The following PHRF1 variants were observed in gnomAD, a reference collection of about 807,000 sequenced individuals.
PHRF1 encodes the protein PHD and ring finger domains 1.
In PHRF1, 53 loss-of-function variants were observed where a neutral mutation model predicts 128.9. The observed-to-expected ratio is 0.41, with a 90% CI of 0.33 to 0.52. PHRF1 has a LOEUF of 0.52. Among genes scored for constraint, PHRF1 ranks in the 20% least tolerant of loss-of-function variants. The pLI is 0.21. For synonymous variants in PHRF1, 1,178 were observed against 980.6 expected (o/e 1.20, Z -3.76); for missense variants, 2,503 against 2,284.5 (o/e 1.10, Z -1.95).
At chr11:589,997 G>C (rs1854859930) in intron 4 of PHRF1, among the ~76,000 whole-genome samples, 1 of 151,348 alleles carries the variant, frequency 6.6e-6, no homozygotes, top group Non-Finnish European at 1.5e-5. Context: ...AGCGTGTGGG[G>C]CTCAGCCTCA....
rs1248139231 is a variant in PHRF1 at position 607,835 on chromosome 11, C to T, written c.2379C>T (p.Ser793=). The T allele has an allele frequency of 3.7e-6, 6 of 1,612,696 alleles. No individual in the cohort carries two copies. In the African/African-American group the frequency reaches 6.7e-5, roughly 18 times the overall value. Residue 793 remains serine, a synonymous_variant, in exon 14 of 18, where the codon AGC becomes AGT. Coordinates refer to ENST00000264555, the MANE Select transcript of PHRF1 (RefSeq NM_001286581.2). ...TGGCACATTCCAGCCAGCTCTCCAG[C>T]CCTGGCTTCTGTAACACGTTCCGGC... The part of the protein sequence containing the change: ...GNMAHSSQLS[S]PGFCNTFRPV...
intron 10 of PHRF1, among the ~76,000 whole-genome samples, chr11:604,335 G>A (rs1855819495): frequency 6.6e-6 from 1 of 152,240 alleles, no homozygotes; most frequent in African/African-American, 2.4e-5. Flanking sequence ...TTCACCCTTG[G>A]GAGGGGCGAC....
At chr11:601,474 G>A in intron 9 of PHRF1, 100 bp from the exon 10 acceptor site, 19 of 1,508,816 alleles carry the variant, frequency 1.3e-5, no homozygotes, top group Non-Finnish European at 1.6e-5. Context: ...TGGTCCCGCT[G>A]TACCGGCTCC....
Position 609,427 on chromosome 11 carries a change from C to T in PHRF1, c.3971C>T (p.Ser1324Leu), listed in dbSNP as rs1262835523. 1.9e-6 allele frequency: 3 copies of T among 1,608,798 alleles called. No individual in the cohort carries two copies. Among genetic ancestry groups the T allele is most frequent in the South Asian group, 1.1e-5 (1 of 91,070 alleles). Residue 1324 changes from serine (S) to leucine (L), a missense_variant, in exon 14 of 18, where the codon TCA (serine) becomes TTA (leucine). Coordinates refer to ENST00000264555, the MANE Select transcript of PHRF1 (RefSeq NM_001286581.2). ...GTGGCCGCCATCCAGAGGGAGGTGT[C>T]ATTGATGCACGATGAAGACCCTTCG... Reference protein sequence around the residue: ...LAVAAIQREVSLMHDEDPSQP... With the variant: ...LAVAAIQREVLLMHDEDPSQP...
intron 9 of PHRF1, 131 bp downstream of exon 9, chr11:598,633 A>G (rs1855445403): frequency 7.3e-7 from 1 of 1,376,326 alleles, no homozygotes; most frequent in Admixed American, 2.6e-5. Flanking sequence ...CTCTGCTGAA[A>G]ACACTACACA....
chr11:592,781 C>T (rs766736291), intron 6 of PHRF1, 107 bp downstream of exon 6: 147 of 1,259,808 alleles, frequency 1.2e-4, no homozygotes, highest in Admixed American at 5.3e-4. Flanking sequence ...GTCCCAGCAC[C>T]TGGAGCTGTG....
At chr11:599,053 G>A (rs549882340) in intron 9 of PHRF1, among the ~76,000 whole-genome samples, 2 of 152,272 alleles carry the variant, frequency 1.3e-5, no homozygotes, top group South Asian at 4.1e-4. Context: ...GGGGAGAGCC[G>A]TGGACTGCAC....
chr11:604,414 A>G (rs1413910222), intron 10 of PHRF1, among the ~76,000 whole-genome samples: 1 of 152,264 alleles, frequency 6.6e-6, no homozygotes, highest in Non-Finnish European at 1.5e-5. Context: ...CTAGAATCAG[A>G]AGGAAACAGC....
At chr11:586,372 A>G (rs1376480009) in intron 3 of PHRF1, among the ~76,000 whole-genome samples, 1 of 152,218 alleles carries the variant, frequency 6.6e-6, no homozygotes, top group African/African-American at 2.4e-5. Flanking sequence ...CACTTCTCCC[A>G]GCCTCTTTAA....
chr11:588,183 C>A (rs894425772), intron 4 of PHRF1, among the ~76,000 whole-genome samples: 14 of 152,090 alleles, frequency 9.2e-5, no homozygotes, highest in Admixed American at 8.5e-4. Flanking sequence ...TTCCTAGTGA[C>A]TGGGTCCTCC....
At position 607,597 on chromosome 11, in the gene PHRF1, T is replaced by C; in HGVS notation, c.2141T>C (p.Leu714Pro). 6.2e-7 allele frequency: 1 copy of C among 1,612,268 alleles called. No individual in the cohort carries two copies. Among genetic ancestry groups the C allele is most frequent in the Non-Finnish European group, 8.5e-7 (1 of 1,179,786 alleles). The change falls in exon 14 of 18, where the codon CTG becomes CCG. Residue 714 changes from leucine (L) to proline (P), a missense_variant. Leu to Pro is a moderately conservative substitution (Grantham distance 98). Transcript: ENST00000264555. Reference protein sequence around the residue: ...IEIPSACISRLTGREGTGQPG... With the variant: ...IEIPSACISRPTGREGTGQPG... ...ATCCCCAGTGCCTGCATCAGCCGAC[T>C]GACTGGCAGGGAGGGCACCGGGCAG...
rs952930367 is a variant in PHRF1 at position 582,388 on chromosome 11, G to C, written c.214+307G>C. On this transcript the variant is annotated intron_variant, in intron 3 of 17. Coordinates refer to ENST00000264555, the MANE Select transcript of PHRF1 (RefSeq NM_001286581.2). ...CAAGTGATTCTCCTGGCTCAGCCTCGTGAGTAGCTGGGATTACAGGCACGC... is the reference window on the plus strand; with the variant it reads ...CAAGTGATTCTCCTGGCTCAGCCTCCTGAGTAGCTGGGATTACAGGCACGC... 2.0e-5 allele frequency among the ~76,000 whole-genome samples: 3 copies of C among 150,060 alleles called. No individual in the cohort carries two copies. The South Asian group carries it at 6.3e-4, about 31-fold the overall frequency.
In PHRF1 at chr11:597,084, C is replaced by T. The variant is rs562669577; in HGVS notation, c.718+64C>T. 2.0e-5 allele frequency: 30 copies of T among 1,521,848 alleles called. No homozygotes were observed. Among genetic ancestry groups the T allele is most frequent in the Middle Eastern group, 1.7e-4 (1 of 5,802 alleles). The allele number at this position is 1,521,848 out of a possible 1,614,324, so 94.3% of individuals were successfully genotyped here. A position where few individuals can be genotyped will look rare whatever the true frequency, so the allele number is the denominator to read the frequency against. On this transcript the variant is annotated intron_variant, in intron 7 of 17. Coordinates refer to ENST00000264555, the MANE Select transcript of PHRF1 (RefSeq NM_001286581.2). This position sits in a 1 kb window ranked among gnomAD's most constrained non-coding sequence, Gnocchi z 6.5. ...TTCTCACTGTCCACTCTGCGGTCCC[C>T]GGGGTTAGGTTTGGCTGCTGTGTGG...
chr11:586,314 A>G (rs1032559693), intron 3 of PHRF1, among the ~76,000 whole-genome samples: 4 of 152,184 alleles, frequency 2.6e-5, no homozygotes, highest in African/African-American at 2.4e-5. Flanking sequence ...AACTCTTAAC[A>G]TGAAAGATGG....
intron 11 of PHRF1, 29 bp from the exon 12 acceptor site, chr11:605,576 T>C: frequency 3.1e-6 from 5 of 1,608,620 alleles, no homozygotes; most frequent in Non-Finnish European, 4.2e-6. Context: ...GAGTCACTTG[T>C]TCCCTTTGGC....
intron 9 of PHRF1, among the ~76,000 whole-genome samples, chr11:598,935 T>A (rs1230344564): frequency 6.6e-6 from 1 of 152,254 alleles, no homozygotes; most frequent in East Asian, 1.9e-4. Flanking sequence ...TCCTTTTCTC[T>A]GTGAGTTTTG....
rs1324813124 is a variant in PHRF1, at chr11:608,566, T to C, written c.3110T>C (p.Val1037Ala). ...AGCTCGAGGTCAGCGTCACCATCAG[T>C]GGGTGAGGAGCGCCCCAGGAGGCAG... ...DRSSRSASPS[V>A]GEERPRRQRS... is the part of the protein sequence containing the mutation. The change falls in exon 14 of 18, where the codon GTG (valine) becomes GCG (alanine). Residue 1037 changes from valine (V) to alanine (A), a missense_variant. Val to Ala is a moderately conservative substitution (Grantham distance 64). Coordinates refer to ENST00000264555, the MANE Select transcript of PHRF1 (RefSeq NM_001286581.2). The C allele has an allele frequency of 4.3e-6, 7 of 1,612,104 alleles. No individual in the cohort carries two copies. In the African/African-American group the frequency reaches 8.0e-5, roughly 18 times the overall value.
At position 610,293 on chromosome 11, in the gene PHRF1, C is replaced by T. The variant is rs996592879; in HGVS notation, c.4362C>T (p.Pro1454=). ...TGVRQVFSEL[P]FPSHVLPEPG... ...TCAGGCAGGTGTTCTCCGAGCTGCCCTTTCCCAGTCACGTGCTTCCGGAAC... is the reference window on the plus strand; with the variant it reads ...TCAGGCAGGTGTTCTCCGAGCTGCCTTTTCCCAGTCACGTGCTTCCGGAAC... Residue 1454 remains proline, a synonymous_variant, in exon 15 of 18, where the codon CCC becomes CCT. Transcript: ENST00000264555. 7.7e-6 allele frequency: 12 copies of T among 1,563,594 alleles called. No individual in the cohort carries two copies. The African/African-American group carries it at 8.2e-5, about 11-fold the overall frequency.
intron 1 of PHRF1, among the ~76,000 whole-genome samples, chr11:580,215 A>G (rs570687866): frequency 4.9e-4 from 74 of 152,328 alleles, no homozygotes; most frequent in African/African-American, 1.7e-3. Context: ...CGCCTGGGAA[A>G]CAAGGTCAAT....
Sources: gnomAD v4.1 joint callset for allele counts (sites outside exome capture counted in the v4.1 genomes callset) on GRCh38, gnomAD v4.1.1 for gene constraint, Gnocchi (gnomAD v3.1) non-coding constraint, MANE v1.5 for transcripts, NCBI Gene and HGNC (gene_info 2026-07-23, HGNC 2026-07-21) for gene names.